Variants in NXPH1 observed in about 807,000 individuals in gnomAD.
The protein encoded by NXPH1 is neurexophilin 1, also known as neurexophilin-1.
NXPH1 carries 5 observed loss-of-function variants against 23.7 expected under a neutral mutation model. That is an observed-to-expected ratio of 0.21 (90% CI 0.11 to 0.44). The LOEUF is 0.44. Ranked by LOEUF, NXPH1 falls within the 20% of genes least tolerant of loss-of-function variation. NXPH1 has a pLI of 0.99. For synonymous variants in NXPH1, 144 were observed against 122.2 expected (o/e 1.18, Z -1.18); for missense variants, 324 against 321.6 (o/e 1.01, Z -0.06).
intron 2 of NXPH1, among the ~76,000 whole-genome samples, chr7:8,516,904 A>T (rs757986353): frequency 2.8e-4 from 42 of 152,214 alleles, no homozygotes; most frequent in Non-Finnish European, 4.7e-4. Context: ...TCCCTTCATG[A>T]TGTGTGGTCT....
chr7:8,636,818 G>T (rs60258014), intron 2 of NXPH1, among the ~76,000 whole-genome samples: 6,733 of 152,148 alleles, frequency 0.044, 330 homozygotes, highest in East Asian at 0.17. Flanking sequence ...CTGTTAATTT[G>T]GGATTCTTAC....
At chr7:8,610,632 T>C (rs1444154933) in intron 2 of NXPH1, among the ~76,000 whole-genome samples, 1 of 152,082 alleles carries the variant, frequency 6.6e-6, no homozygotes. Context: ...CCCCAGATGA[T>C]AACAGGGCTA....
chr7:8,724,561 T>C lies in NXPH1; in HGVS notation c.55-26447T>C, dbSNP rs76246003. 7.5e-3 allele frequency among the ~76,000 whole-genome samples: 1,147 copies of C among 152,352 alleles called. 16 individuals carry two copies. The highest frequency in any genetic ancestry group is 0.025 in the African/African-American group (1,058 of 41,582). On this transcript the variant is annotated intron_variant, in intron 2 of 2. Transcript: ENST00000405863. ...TATATACAAATTTTCATCCAACCTC[T>C]CTATTGTGACTTATCTTACAGCATC...
chr7:8,460,664 GT>G (rs1445708907), intron 2 of NXPH1, among the ~76,000 whole-genome samples: 1 of 152,192 alleles, frequency 6.6e-6, no homozygotes, highest in Non-Finnish European at 1.5e-5. Context: ...TAAGCCAACA[GT>G]GTTTTGAATG....
chr7:8,477,368 A>G (rs1816993666), intron 2 of NXPH1, among the ~76,000 whole-genome samples: 1 of 152,040 alleles, frequency 6.6e-6, no homozygotes, highest in African/African-American at 2.4e-5. Flanking sequence ...GCTAGAGTGC[A>G]GGTGATTGAT....
intron 2 of NXPH1, among the ~76,000 whole-genome samples, chr7:8,616,649 A>T (rs1388601752): frequency 6.6e-6 from 1 of 152,030 alleles, no homozygotes; most frequent in Non-Finnish European, 1.5e-5. Context: ...AGGCAGGTAG[A>T]AGCATGGCAG....
intron 2 of NXPH1, among the ~76,000 whole-genome samples, chr7:8,659,513 A>C (rs1820636151): frequency 6.6e-6 from 1 of 152,168 alleles, no homozygotes; most frequent in African/African-American, 2.4e-5. Flanking sequence ...GTTCTCACTC[A>C]TAGGTGGGAA....
intron 2 of NXPH1, among the ~76,000 whole-genome samples, 177 bp from the exon 3 acceptor site, chr7:8,750,831 C>T (rs1780550771): frequency 6.6e-6 from 1 of 151,968 alleles, no homozygotes; most frequent in Non-Finnish European, 1.5e-5. Context: ...TTATTTAATT[C>T]TGAGACTCTG....
intron 2 of NXPH1, among the ~76,000 whole-genome samples, chr7:8,685,557 T>C (rs2115179930): frequency 6.6e-6 from 1 of 152,224 alleles, no homozygotes; most frequent in Non-Finnish European, 1.5e-5. Context: ...TAAACAGCGC[T>C]ACACAAAACA....
At chr7:8,491,241 C>G (rs1296617741) in intron 2 of NXPH1, among the ~76,000 whole-genome samples, 2 of 151,998 alleles carry the variant, frequency 1.3e-5, no homozygotes, top group Non-Finnish European at 2.9e-5. Context: ...TTATCCCTAT[C>G]CTTGGCTGTG....
chr7:8,610,979 C>T (rs1011661824), intron 2 of NXPH1, among the ~76,000 whole-genome samples: 1 of 152,088 alleles, frequency 6.6e-6, no homozygotes, highest in African/African-American at 2.4e-5. Flanking sequence ...TAACTTGAGT[C>T]ACAATAGCAC....
chr7:8,547,215 T>C lies in NXPH1; in HGVS notation c.54+111448T>C, dbSNP rs191436245. Among the ~76,000 whole-genome samples the C allele has an allele frequency of 6.6e-5, 10 of 151,456 alleles. No homozygotes were observed. In the East Asian group the frequency reaches 2.0e-3, roughly 30 times the overall value. ...ACAGCACACAAGGTTATTGGAAGTG[T>C]GAGGGAGGGGGAAATTGGAGGAGAG... On this transcript the variant is annotated intron_variant, in intron 2 of 2. Transcript: ENST00000405863.
intron 2 of NXPH1, among the ~76,000 whole-genome samples, chr7:8,655,851 A>G (rs1820573888): frequency 6.6e-6 from 1 of 151,848 alleles, no homozygotes; most frequent in African/African-American, 2.4e-5. Flanking sequence ...TCATATATCA[A>G]CTCCTCTGAA....
intron 2 of NXPH1, among the ~76,000 whole-genome samples, chr7:8,655,150 C>G (rs895946031): frequency 7.2e-5 from 11 of 151,956 alleles, no homozygotes; most frequent in African/African-American, 1.9e-4. Flanking sequence ...TTTGGGAGGC[C>G]AAGGTAGGTG....
At chr7:8,545,210 G>T (rs191694487) in intron 2 of NXPH1, among the ~76,000 whole-genome samples, 1 of 151,620 alleles carries the variant, frequency 6.6e-6, no homozygotes, top group African/African-American at 2.4e-5. Flanking sequence ...GCAGCATGGA[G>T]GGAGTAGAAG....
At chr7:8,526,292 A>G (rs1205532287) in intron 2 of NXPH1, among the ~76,000 whole-genome samples, 8 of 152,176 alleles carry the variant, frequency 5.3e-5, no homozygotes, top group South Asian at 4.1e-4. Context: ...AGCTGTATTT[A>G]ACTAATGCTT....
chr7:8,478,210 C>T (rs529272195), intron 2 of NXPH1, among the ~76,000 whole-genome samples: 1 of 152,148 alleles, frequency 6.6e-6, no homozygotes, highest in South Asian at 2.1e-4. Context: ...GTGTAGGTTT[C>T]TTAACATTTG....
intron 2 of NXPH1, among the ~76,000 whole-genome samples, chr7:8,669,755 C>T (rs1033732624): frequency 1.3e-5 from 2 of 152,134 alleles, no homozygotes; most frequent in Non-Finnish European, 2.9e-5. Flanking sequence ...GTATTTCTCC[C>T]CATGCTGTGC....
chr7:8,455,533 A>G (rs1165626736), intron 2 of NXPH1, among the ~76,000 whole-genome samples: 1 of 152,220 alleles, frequency 6.6e-6, no homozygotes, highest in Non-Finnish European at 1.5e-5. Flanking sequence ...TCAGCTCACA[A>G]GGAGAACAGA....
Sources: gnomAD v4.1 joint callset for allele counts (sites outside exome capture counted in the v4.1 genomes callset) on GRCh38, gnomAD v4.1.1 for gene constraint, MANE v1.5 for transcripts, NCBI Gene and HGNC (gene_info 2026-07-23, HGNC 2026-07-21) for gene names.